The following CSGALNACT1 variants were observed in gnomAD, a reference collection of about 807,000 sequenced individuals.
CSGALNACT1 encodes the protein chondroitin sulfate N-acetylgalactosaminyltransferase 1.
In CSGALNACT1, 52 loss-of-function variants were observed where a neutral mutation model predicts 51.0. That is an observed-to-expected ratio of 1.02 (90% CI 0.82 to 1.29). The LOEUF (loss-of-function observed/expected upper bound fraction) is 1.29. Among genes scored for constraint, CSGALNACT1 ranks in the 50% most tolerant of loss-of-function variants. The pLI, the probability that CSGALNACT1 is intolerant of heterozygous loss-of-function variation, is 0.00. For synonymous variants in CSGALNACT1, 341 were observed against 254.4 expected, an observed-to-expected ratio of 1.34 and a Z score of -3.24; for missense variants, 935 against 679.2, an observed-to-expected ratio of 1.38 and a Z score of -4.19.
chr8:19,623,017 C>A (rs977265114), intron 1 of CSGALNACT1, among the ~76,000 whole-genome samples: 3 of 152,140 alleles, frequency 2.0e-5, no homozygotes, highest in Non-Finnish European at 4.4e-5. Flanking sequence ...ACGTAGGTAA[C>A]AAACCTGCAC....
At chr8:19,614,583 T>A (rs182895927) in intron 1 of CSGALNACT1, among the ~76,000 whole-genome samples, 346 of 152,228 alleles carry the variant, frequency 2.3e-3, no homozygotes, top group Non-Finnish European at 3.7e-3. Context: ...AGATAAAAAA[T>A]TTTTTTTCAT....
At chr8:19,635,881 C>T (rs2055983167) in intron 1 of CSGALNACT1, among the ~76,000 whole-genome samples, 1 of 152,164 alleles carries the variant, frequency 6.6e-6, no homozygotes, top group South Asian at 2.1e-4. Flanking sequence ...GCATGCAAGA[C>T]CATGCCCGGC....
At chr8:19,711,204 C>T (rs1449172786) in intron 1 of CSGALNACT1, among the ~76,000 whole-genome samples, 1 of 152,096 alleles carries the variant, frequency 6.6e-6, no homozygotes, top group Non-Finnish European at 1.5e-5. Flanking sequence ...CAGTCATCAA[C>T]AGTGATAGTC....
intron 1 of CSGALNACT1, among the ~76,000 whole-genome samples, chr8:19,753,136 G>C (rs1397506921): frequency 6.6e-6 from 1 of 152,148 alleles, no homozygotes; most frequent in East Asian, 1.9e-4. Context: ...TGCTAGCTGG[G>C]GGTTTGAGGA....
chr8:19,666,999 GAAAGAAAGAAAGA>G (rs2059364008), intron 1 of CSGALNACT1, among the ~76,000 whole-genome samples: 172 of 25,874 alleles, frequency 6.6e-3, no homozygotes, highest in South Asian at 8.2e-3. Context: ...AAGAAAGAAA[GAAAGAAAGAAAGA>G]AAGAAAGGAA....
At chr8:19,741,736 G>C (rs1415677787) in intron 1 of CSGALNACT1, among the ~76,000 whole-genome samples, 1 of 152,082 alleles carries the variant, frequency 6.6e-6, no homozygotes, top group East Asian at 1.9e-4. Flanking sequence ...TTATGATCTG[G>C]CTTCTTACTT....
rs566203122 is a variant in CSGALNACT1, at chr8:19,695,205, C to T, written c.-297+62645G>A. Among the ~76,000 whole-genome samples the T allele has an allele frequency of 2.0e-5, 3 of 152,278 alleles. No homozygotes were observed. The South Asian group carries it at 6.2e-4, about 32-fold the overall frequency. On this transcript the variant is annotated intron_variant, in intron 1 of 1. Coordinates refer to the CSGALNACT1 transcript ENST00000517494. The stretch of plus-strand genomic sequence containing the variant: ...GTTATTATTTTCCTAAAACCACTGA[C>T]TTCATTTCAAGCTTCTACAGAACTG...
intron 1 of CSGALNACT1, among the ~76,000 whole-genome samples, chr8:19,658,472 G>A (rs1204267441): frequency 6.6e-6 from 1 of 152,200 alleles, no homozygotes; most frequent in African/African-American, 2.4e-5. Flanking sequence ...GGTGGTTCAT[G>A]CCTGTAATCC....
In CSGALNACT1 at chr8:19,756,060, C is replaced by T. The variant is rs114213035; in HGVS notation, c.-297+1790G>A. On this transcript the variant is annotated intron_variant, in intron 1 of 1. Coordinates refer to the CSGALNACT1 transcript ENST00000517494. ...CATAAAAATTCATCTTGCCTTTCTGCGTCTATTTCCAAGTTTGAAGGACCT... is the reference window on the plus strand; with the variant it reads ...CATAAAAATTCATCTTGCCTTTCTGTGTCTATTTCCAAGTTTGAAGGACCT... Among the ~76,000 whole-genome samples, 541 of 152,236 alleles carry T rather than the reference C, an allele frequency of 3.6e-3. 7 individuals carry two copies. Among genetic ancestry groups the T allele is most frequent in the African/African-American group, 0.012 (497 of 41,548 alleles).
intron 1 of CSGALNACT1, among the ~76,000 whole-genome samples, chr8:19,706,729 T>C (rs2062190277): frequency 6.6e-6 from 1 of 151,950 alleles, no homozygotes; most frequent in Admixed American, 6.6e-5. Flanking sequence ...GCTCAAGCAA[T>C]CCTCCTCACC....
At chr8:19,733,103 G>C (rs10107437) in intron 1 of CSGALNACT1, among the ~76,000 whole-genome samples, 1 of 152,186 alleles carries the variant, frequency 6.6e-6, no homozygotes, top group African/African-American at 2.4e-5. Context: ...ATTTGATAAA[G>C]AGTAGAACTT....
chr8:19,465,100 C>A (rs2066373461), intron 4 of CSGALNACT1, among the ~76,000 whole-genome samples: 2 of 152,170 alleles, frequency 1.3e-5, no homozygotes, highest in African/African-American at 4.8e-5. Context: ...ACTCACACCC[C>A]CATCAACAGA....
chr8:19,640,467 A>C (rs893375014), intron 1 of CSGALNACT1, among the ~76,000 whole-genome samples: 1 of 152,206 alleles, frequency 6.6e-6, no homozygotes. Context: ...AGACATTCTC[A>C]ATGTAACTTT....
chr8:19,676,751 G>A (rs1412335103), intron 1 of CSGALNACT1, among the ~76,000 whole-genome samples: 1 of 152,196 alleles, frequency 6.6e-6, no homozygotes, highest in Non-Finnish European at 1.5e-5. Context: ...CCACTGTTTA[G>A]ACATTGGCAA....
chr8:19,485,758 G>GTTTTTTTTTTTTTTT (rs2072729923), intron 4 of CSGALNACT1, among the ~76,000 whole-genome samples: 1 of 23,444 alleles, frequency 4.3e-5, no homozygotes. Flanking sequence ...ACCTCAGCTT[G>GTTTTTTTTTTTTTTT]CTTTTTTTTT....
intron 1 of CSGALNACT1, among the ~76,000 whole-genome samples, chr8:19,717,957 GCCCTATAACTAC>G (rs1426146471): frequency 2.0e-5 from 3 of 152,156 alleles, no homozygotes; most frequent in African/African-American, 7.2e-5. Flanking sequence ...AGGCCAAGAT[GCCCTATAACTAC>G]CCCTGCCCCA....
At chr8:19,657,824 C>T (rs1457393619) in intron 1 of CSGALNACT1, among the ~76,000 whole-genome samples, 2 of 152,104 alleles carry the variant, frequency 1.3e-5, no homozygotes, top group Admixed American at 6.6e-5. Flanking sequence ...TAAGGACCTC[C>T]ACTTTTCCAC....
chr8:19,496,564 C>T (rs1384781478), intron 4 of CSGALNACT1, among the ~76,000 whole-genome samples: 1 of 152,138 alleles, frequency 6.6e-6, no homozygotes, highest in East Asian at 1.9e-4. Flanking sequence ...ATATAATGAG[C>T]TGAAAGAAGC....
chr8:19,502,293 G>T (rs2153987463), intron 4 of CSGALNACT1, among the ~76,000 whole-genome samples: 1 of 152,182 alleles, frequency 6.6e-6, no homozygotes, highest in East Asian at 1.9e-4. Flanking sequence ...AGACCAGAAG[G>T]CTGGGCTGGG....
Sources: gnomAD v4.1 joint callset for allele counts (sites outside exome capture counted in the v4.1 genomes callset) on GRCh38, gnomAD v4.1.1 for gene constraint, MANE v1.5 for transcripts, NCBI Gene and HGNC (gene_info 2026-07-23, HGNC 2026-07-21) for gene names.